Variants in PPM1B observed in about 807,000 individuals in gnomAD.
PPM1B encodes protein phosphatase 1B.
Under a neutral mutation model 43.0 loss-of-function variants are expected in PPM1B, and 22 were observed. The observed-to-expected ratio is 0.51, with a 90% CI of 0.37 to 0.73. PPM1B has a LOEUF of 0.73. Ranked by LOEUF, PPM1B falls within the 30% of genes least tolerant of loss-of-function variation. PPM1B has a pLI of 0.00. For missense variants in PPM1B, 632 were observed against 584.2 expected (o/e 1.08, Z -0.84); for synonymous variants, 217 against 197.9 (o/e 1.10, Z -0.81).
At chr2:44,169,629 T>C (rs919620576) in intron 1 of PPM1B, among the ~76,000 whole-genome samples, 3 of 152,274 alleles carry the variant, frequency 2.0e-5, no homozygotes, top group African/African-American at 7.2e-5. Flanking sequence ...ACCCCAAGCC[T>C]TGGCGCTTCT....
chr2:44,211,207 C>A (rs1283527995), intron 3 of PPM1B, among the ~76,000 whole-genome samples: 2 of 152,126 alleles, frequency 1.3e-5, no homozygotes, highest in Non-Finnish European at 2.9e-5. Flanking sequence ...TTTAAATTTC[C>A]CTAATTATCC....
intron 3 of PPM1B, among the ~76,000 whole-genome samples, chr2:44,212,553 G>A (rs1242239639): frequency 6.6e-6 from 1 of 152,208 alleles, no homozygotes; most frequent in Non-Finnish European, 1.5e-5. Flanking sequence ...TGAGAAGGGA[G>A]AAGCTAGTCT....
At chr2:44,218,639 T>A in intron 5 of PPM1B, 102 bp downstream of exon 5, 2 of 776,062 alleles carry the variant, frequency 2.6e-6, no homozygotes, top group East Asian at 2.9e-5. Flanking sequence ...AATTATAGTC[T>A]GTAGTAAATT....
At chr2:44,205,408 G>A (rs1310761556) in intron 2 of PPM1B, among the ~76,000 whole-genome samples, 2 of 125,776 alleles carry the variant, frequency 1.6e-5, no homozygotes, top group African/African-American at 6.8e-5. Context: ...GGTTTTCATG[G>A]TCTGAGAAAT....
chr2:44,214,368 C>T (rs566617125), intron 3 of PPM1B, among the ~76,000 whole-genome samples: 1 of 152,076 alleles, frequency 6.6e-6, no homozygotes, highest in South Asian at 2.1e-4. Flanking sequence ...TGCGCCCGAC[C>T]CCATAGAGTT....
downstream of PPM1B, among the ~76,000 whole-genome samples, chr2:44,237,754 G>T (rs1670656233): frequency 6.6e-6 from 1 of 152,024 alleles, no homozygotes; most frequent in African/African-American, 2.4e-5. Context: ...AGATGAAGAG[G>T]ACCAGTACCA....
chr2:44,228,861 A>C (rs1670342191), intron 5 of PPM1B, among the ~76,000 whole-genome samples: 1 of 152,070 alleles, frequency 6.6e-6, no homozygotes, highest in Non-Finnish European at 1.5e-5. Context: ...TTACCTGTAA[A>C]CATTTAAGCA....
At chr2:44,238,467 C>T (rs193141105), downstream of PPM1B, among the ~76,000 whole-genome samples, 691 of 152,024 alleles carry the variant, frequency 4.5e-3, 8 homozygotes, top group African/African-American at 0.015. Context: ...TTTGGGAGGC[C>T]GAGGTGGGTG....
downstream of PPM1B, among the ~76,000 whole-genome samples, chr2:44,245,030 A>G (rs963873370): frequency 4.6e-5 from 7 of 151,950 alleles, no homozygotes; most frequent in African/African-American, 1.5e-4. Context: ...ACTATCAACA[A>G]TTTACGTATC....
At chr2:44,241,082 C>T (rs1670734775) in intron 5 of PPM1B, among the ~76,000 whole-genome samples, 1 of 143,252 alleles carries the variant, frequency 7.0e-6, no homozygotes, top group Non-Finnish European at 1.6e-5. Flanking sequence ...TGGCTCACTG[C>T]AACTTCCGCC....
intron 1 of PPM1B, among the ~76,000 whole-genome samples, chr2:44,186,310 T>C (rs1218589485): frequency 1.3e-5 from 2 of 152,338 alleles, no homozygotes; most frequent in East Asian, 3.9e-4. Context: ...CTTTGGAGTA[T>C]ATGTGGCATC....
chr2:44,198,954 G>A (rs1458922296), intron 1 of PPM1B, among the ~76,000 whole-genome samples: 2 of 152,056 alleles, frequency 1.3e-5, no homozygotes, highest in African/African-American at 4.8e-5. Flanking sequence ...TCCCATATAT[G>A]GCTACTAGGA....
downstream of PPM1B, chr2:44,232,207 CAAAGAA>C: frequency 1.4e-6 from 2 of 1,472,496 alleles, no homozygotes; most frequent in Non-Finnish European, 1.8e-6. Context: ...CCTTTTCAGA[CAAAGAA>C]AGGAAGGTAA....
intron 5 of PPM1B, among the ~76,000 whole-genome samples, chr2:44,226,743 T>C (rs1418012197): frequency 8.2e-5 from 12 of 146,454 alleles, no homozygotes; most frequent in South Asian, 2.2e-4. Flanking sequence ...ATCTTTTTTT[T>C]TTTTTTTTTT....
chr2:44,203,332 A>T (rs1298351133), intron 2 of PPM1B, among the ~76,000 whole-genome samples: 1 of 152,152 alleles, frequency 6.6e-6, no homozygotes, highest in Non-Finnish European at 1.5e-5. Context: ...GTTGTCAGTG[A>T]TCAAATAGTA....
At chr2:44,176,418 G>T (rs1230434851) in intron 1 of PPM1B, among the ~76,000 whole-genome samples, 1 of 152,232 alleles carries the variant, frequency 6.6e-6, no homozygotes, top group East Asian at 1.9e-4. Context: ...TGTGCTCTTA[G>T]CAAAGATGGC....
At chr2:44,177,533 C>G (rs949335317) in intron 1 of PPM1B, among the ~76,000 whole-genome samples, 3 of 149,304 alleles carry the variant, frequency 2.0e-5, no homozygotes, top group Admixed American at 6.8e-5. Flanking sequence ...ATTCTCCTGT[C>G]TCAGCCTCGT....
chr2:44,245,750 A>T (rs1201544679), downstream of PPM1B, among the ~76,000 whole-genome samples: 2 of 152,210 alleles, frequency 1.3e-5, no homozygotes, highest in African/African-American at 2.4e-5. Flanking sequence ...CTTTCCCAAG[A>T]GAAACACTGC....
chr2:44,185,316 T>C (rs895671813), intron 1 of PPM1B, among the ~76,000 whole-genome samples: 1 of 152,182 alleles, frequency 6.6e-6, no homozygotes, highest in African/African-American at 2.4e-5. Flanking sequence ...ACTGCTACTT[T>C]AAAGTTGATT....
Sources: gnomAD v4.1 joint callset for allele counts (sites outside exome capture counted in the v4.1 genomes callset) on GRCh38, gnomAD v4.1.1 for gene constraint, MANE v1.5 for transcripts, NCBI Gene and HGNC (gene_info 2026-07-23, HGNC 2026-07-21) for gene names.